SSU72: variants seen among roughly 807,000 people sequenced by gnomAD.
SSU72 encodes SSU72 homolog, RNA polymerase II CTD phosphatase, also known as RNA polymerase II subunit A C-terminal domain phosphatase SSU72.
Under a neutral mutation model 22.7 loss-of-function variants are expected in SSU72, and 12 were observed. The ratio of observed to expected loss-of-function variants is 0.53; its 90% CI spans 0.34 to 0.86. SSU72 has a LOEUF of 0.86. Ranked by LOEUF, SSU72 falls within the 40% of genes least tolerant of loss-of-function variation. The pLI is 0.02. For missense variants in SSU72, 151 were observed against 249.8 expected, an observed-to-expected ratio of 0.60 and a Z score of 2.67; for synonymous variants, 116 against 98.3, an observed-to-expected ratio of 1.18 and a Z score of -1.06.
chr1:1,572,864 A>C (rs1415569269), intron 1 of SSU72, among the ~76,000 whole-genome samples: 3 of 108,524 alleles, frequency 2.8e-5, no homozygotes, highest in Non-Finnish European at 3.6e-5. Context: ...TCCAATTAAC[A>C]ATAATTTTGT....
chr1:1,567,398 G>A (rs914962717), intron 1 of SSU72, among the ~76,000 whole-genome samples: 2 of 152,148 alleles, frequency 1.3e-5, no homozygotes, highest in East Asian at 1.9e-4. Context: ...CAATAGCAGC[G>A]ATTCATGACT....
intron 1 of SSU72, among the ~76,000 whole-genome samples, chr1:1,573,162 C>T (rs988895434): frequency 6.6e-6 from 1 of 151,400 alleles, no homozygotes; most frequent in African/African-American, 2.4e-5. Context: ...GTGGCTCACG[C>T]CTGTAATCCC....
At chr1:1,556,234 C>T (rs906734428) in intron 2 of SSU72, among the ~76,000 whole-genome samples, 1 of 152,220 alleles carries the variant, frequency 6.6e-6, no homozygotes, top group African/African-American at 2.4e-5. Context: ...AGATGGAGAC[C>T]ATCCTGGCTA....
chr1:1,554,850 C>G lies in SSU72; in HGVS notation c.225-9848G>C, dbSNP rs185629340. Among the ~76,000 whole-genome samples, 2 of 152,184 alleles carry G rather than the reference C, an allele frequency of 1.3e-5. No homozygotes were observed. The highest frequency in any genetic ancestry group is 4.8e-5 in the African/African-American group (2 of 41,446). ...TTCCCTGCTGCCGGCGCCAGCCCCA[C>G]GTACCCCCGACCACCTCAGCTCCTG... On this transcript the variant is annotated intron_variant, in intron 2 of 4. Transcript: ENST00000291386. The surrounding 1 kb of genome is among the most constrained non-coding windows in gnomAD (Gnocchi z 4.1).
chr1:1,541,768 A>C lies in SSU72; in HGVS notation c.*298T>G. 1 of 394,304 alleles carries C rather than the reference A, an allele frequency of 2.5e-6. No individual in the cohort carries two copies. The highest frequency in any genetic ancestry group is 4.8e-6 in the Non-Finnish European group (1 of 208,576). The allele number at this position is 394,304 out of a possible 1,614,324, so 24.4% of individuals were successfully genotyped here. On this transcript the variant is annotated 3_prime_UTR_variant, in exon 5 of 5. Transcript: ENST00000291386. ...CGGCCCGGTGGGGAGGAGGGAGGGAAGGCAGGCACACGAAGACACAGGTAT... is the reference window on the plus strand; with the variant it reads ...CGGCCCGGTGGGGAGGAGGGAGGGACGGCAGGCACACGAAGACACAGGTAT...
At position 1,549,973 on chromosome 1, in the gene SSU72, CA is replaced by C. The variant is rs536331143; in HGVS notation, c.225-4972del. Among the ~76,000 whole-genome samples, 167 of 93,202 alleles carry C rather than the reference CA, an allele frequency of 1.8e-3. 1 individual carries two copies. Among genetic ancestry groups the C allele is most frequent in the Middle Eastern group, 6.3e-3 (1 of 158 alleles). The allele number at this position is 93,202 out of a possible 152,430, so 61.1% of individuals were successfully genotyped here. ...GGGTGACAAGAGCGAGACTCTGTCTCAAAAAAAAAAAAAAAAGATGGCAAAA... is the reference window on the plus strand; with the variant it reads ...GGGTGACAAGAGCGAGACTCTGTCTCAAAAAAAAAAAAAAAGATGGCAAAA... On this transcript the variant is annotated intron_variant, in intron 2 of 4. Transcript: ENST00000291386.
Position 1,559,334 on chromosome 1 carries a change from G to A in SSU72, c.224+5439C>T, listed in dbSNP as rs140663122. The stretch of plus-strand genomic sequence containing the variant: ...GGGAGGAGAATGGGCAGCAGCAAAC[G>A]GCCTTGGGAGACGAAAAGCGTCTCA... On this transcript the variant is annotated intron_variant, in intron 2 of 4. Transcript: ENST00000291386. Among the ~76,000 whole-genome samples the A allele has an allele frequency of 7.9e-4, 120 of 152,284 alleles. 1 individual carries two copies. The Middle Eastern group carries it at 0.01, about 13-fold the overall frequency.
intron 2 of SSU72, among the ~76,000 whole-genome samples, chr1:1,557,364 G>C (rs911249923): frequency 6.6e-6 from 1 of 151,990 alleles, no homozygotes; most frequent in Non-Finnish European, 1.5e-5. Flanking sequence ...AGTGAGCCGA[G>C]ATTGCACCAC....
chr1:1,560,221 C>A (rs1054363065), intron 2 of SSU72, among the ~76,000 whole-genome samples: 6 of 152,126 alleles, frequency 3.9e-5, no homozygotes, highest in African/African-American at 1.4e-4. Flanking sequence ...GTCTTGTTCT[C>A]TTCCTCAGGC....
At chr1:1,573,492 A>G (rs919663290) in intron 1 of SSU72, among the ~76,000 whole-genome samples, 1 of 151,814 alleles carries the variant, frequency 6.6e-6, no homozygotes, top group Non-Finnish European at 1.5e-5. Flanking sequence ...TCAGCAGATC[A>G]TGAACACTTG....
intron 2 of SSU72, among the ~76,000 whole-genome samples, chr1:1,552,492 G>A (rs1252389510): frequency 2.6e-5 from 4 of 152,226 alleles, no homozygotes; most frequent in African/African-American, 9.6e-5. Flanking sequence ...CAGGGTCTTG[G>A]TGCCTGAGCT....
At chr1:1,553,547 C>T (rs988427593) in intron 2 of SSU72, among the ~76,000 whole-genome samples, 1 of 147,274 alleles carries the variant, frequency 6.8e-6, no homozygotes, top group African/African-American at 2.5e-5. Context: ...AGGCTGAGGC[C>T]AGCAGATCAT....
At chr1:1,544,021 C>A (rs1430980480) in intron 3 of SSU72, 34 bp from the exon 4 acceptor site, 4 of 1,550,282 alleles carry the variant, frequency 2.6e-6, no homozygotes, top group South Asian at 2.3e-5. Flanking sequence ...ACGTCAGAGG[C>A]TCCAAAACCA....
rs1002535101 is a variant in SSU72 at position 1,574,559 on chromosome 1, G to T, written c.-2C>A. 1.9e-6 allele frequency: 3 copies of T among 1,584,774 alleles called. No homozygotes were observed. The South Asian group carries it at 3.4e-5, about 18-fold the overall frequency. On this transcript the variant is annotated 5_prime_UTR_variant, in exon 1 of 5. Coordinates refer to ENST00000291386, the MANE Select transcript of SSU72 (RefSeq NM_014188.3). Reference sequence around the variant, plus strand: ...CACCCGCAGCGGGGACGACGGCATGGCGGCGGCCGCAAATCCCGCGGCTCT... The same window carrying T: ...CACCCGCAGCGGGGACGACGGCATGTCGGCGGCCGCAAATCCCGCGGCTCT...
chr1:1,570,442 G>A (rs192300799), intron 1 of SSU72, among the ~76,000 whole-genome samples: 114 of 151,732 alleles, frequency 7.5e-4, no homozygotes, highest in Non-Finnish European at 3.1e-4. Flanking sequence ...TTTCCTGCCC[G>A]TTACCCCCGA....
chr1:1,569,579 C>T (rs1188642116), intron 1 of SSU72, among the ~76,000 whole-genome samples: 3 of 152,214 alleles, frequency 2.0e-5, no homozygotes, highest in Admixed American at 1.3e-4. Flanking sequence ...TCATAGCTCA[C>T]CACAGCCTCA....
At chr1:1,566,806 A>T (rs1176294169) in intron 1 of SSU72, among the ~76,000 whole-genome samples, 1 of 151,852 alleles carries the variant, frequency 6.6e-6, no homozygotes, top group African/African-American at 2.4e-5. Flanking sequence ...GTGAGCTGAG[A>T]TCGCGCCACT....
chr1:1,553,186 C>A (rs1231015590), intron 2 of SSU72, among the ~76,000 whole-genome samples: 1 of 152,078 alleles, frequency 6.6e-6, no homozygotes, highest in Non-Finnish European at 1.5e-5. Context: ...TGGACAGAAA[C>A]CCTGGATCTG....
At chr1:1,572,008 G>C (rs957588598) in intron 1 of SSU72, among the ~76,000 whole-genome samples, 1 of 151,174 alleles carries the variant, frequency 6.6e-6, no homozygotes, top group Admixed American at 6.6e-5. Flanking sequence ...TGTTAGCCAA[G>C]ATGGTCTCGA....
Sources: allele counts gnomAD v4.1 joint callset (sites outside exome capture counted in the v4.1 genomes callset), GRCh38; gene constraint gnomAD v4.1.1; non-coding constraint Gnocchi (gnomAD v3.1); transcripts MANE v1.5; gene names NCBI Gene and HGNC (gene_info 2026-07-23, HGNC 2026-07-21).